DIP2C: variants seen among roughly 807,000 people sequenced by gnomAD.
DIP2C encodes the protein disco-interacting protein 2 homolog C.
DIP2C carries 33 observed loss-of-function variants against 192.4 expected under a neutral mutation model. The observed-to-expected ratio is 0.17, with a 90% CI of 0.13 to 0.23. The LOEUF (loss-of-function observed/expected upper bound fraction) is 0.23, where lower values mean the gene tolerates loss of function less well. Among genes scored for constraint, DIP2C ranks in the 10% least tolerant of loss-of-function variants. The pLI is 1.00. For synonymous variants in DIP2C, 979 were observed against 864.1 expected, an observed-to-expected ratio of 1.13 and a Z score of -2.33; for missense variants, 1,537 against 2,110.1, an observed-to-expected ratio of 0.73 and a Z score of 5.32.
intron 2 of DIP2C, among the ~76,000 whole-genome samples, chr10:485,630 G>T (rs555306890): frequency 6.6e-6 from 1 of 152,196 alleles, no homozygotes; most frequent in Non-Finnish European, 1.5e-5. Context: ...GACGGGCCTC[G>T]GGAAGAACAG....
At chr10:421,959 A>G (rs1454998834) in intron 5 of DIP2C, among the ~76,000 whole-genome samples, 1 of 152,196 alleles carries the variant, frequency 6.6e-6, no homozygotes, top group Non-Finnish European at 1.5e-5. Flanking sequence ...GGAGTCAGTG[A>G]TCTAGAAGTG....
intron 29 of DIP2C, among the ~76,000 whole-genome samples, chr10:338,356 C>G (rs1339435065): frequency 6.6e-6 from 1 of 152,074 alleles, no homozygotes; most frequent in East Asian, 1.9e-4. Flanking sequence ...CGCTTACTCA[C>G]CAACTCGCCA....
At chr10:443,276 T>C (rs1440385973) in intron 3 of DIP2C, among the ~76,000 whole-genome samples, 2 of 152,252 alleles carry the variant, frequency 1.3e-5, no homozygotes, top group Non-Finnish European at 2.9e-5. Context: ...TTAGATCTTC[T>C]ACATTCACTT....
intron 31 of DIP2C, among the ~76,000 whole-genome samples, chr10:310,697 G>A (rs1956531050): frequency 6.6e-6 from 1 of 152,128 alleles, no homozygotes. Context: ...CATTCCACTG[G>A]GCTGTTGATT....
intron 1 of DIP2C, among the ~76,000 whole-genome samples, chr10:573,602 G>T (rs995845913): frequency 6.6e-6 from 1 of 152,124 alleles, no homozygotes. Context: ...TAGAGATGGG[G>T]TTTCACCAGG....
intron 1 of DIP2C, among the ~76,000 whole-genome samples, chr10:570,344 C>A (rs1211334032): frequency 1.3e-5 from 2 of 152,200 alleles, no homozygotes; most frequent in Admixed American, 1.3e-4. Context: ...GCCCTGCTGA[C>A]ACAGGAGCAA....
intron 1 of DIP2C, among the ~76,000 whole-genome samples, chr10:535,510 T>C (rs1202055208): frequency 6.6e-6 from 1 of 152,100 alleles, no homozygotes; most frequent in African/African-American, 2.4e-5. Context: ...TTTGTACCCA[T>C]TCTGTAGTGT....
intron 1 of DIP2C, among the ~76,000 whole-genome samples, chr10:519,730 C>G (rs1846580118): frequency 6.6e-6 from 1 of 152,264 alleles, no homozygotes; most frequent in South Asian, 2.1e-4. Flanking sequence ...GGGACAGAAA[C>G]CGTCTCCTGC....
intron 1 of DIP2C, among the ~76,000 whole-genome samples, chr10:522,384 C>G (rs900855118): frequency 4.6e-5 from 7 of 152,280 alleles, no homozygotes; most frequent in African/African-American, 1.4e-4. Context: ...CTGTCAACAT[C>G]TGTGTGCAGA....
chr10:335,929 C>T (rs1245299332), intron 29 of DIP2C, among the ~76,000 whole-genome samples: 2 of 152,172 alleles, frequency 1.3e-5, no homozygotes, highest in Admixed American at 6.5e-5. Flanking sequence ...GACAGGGTCT[C>T]GCTCTGTCAC....
At chr10:561,545 C>G (rs1849217696) in intron 1 of DIP2C, among the ~76,000 whole-genome samples, 1 of 152,240 alleles carries the variant, frequency 6.6e-6, no homozygotes, top group Non-Finnish European at 1.5e-5. Context: ...GTTTACTCCT[C>G]TAAAACCACA....
At chr10:364,842 T>A in intron 19 of DIP2C, 1 of 638,128 alleles carries the variant, frequency 1.6e-6, no homozygotes, top group Non-Finnish European at 2.9e-6. Context: ...CTCTGAACCC[T>A]GAACAGATAA....
intron 1 of DIP2C, among the ~76,000 whole-genome samples, chr10:586,983 A>G (rs1054967681): frequency 9.2e-5 from 13 of 141,812 alleles, no homozygotes; most frequent in African/African-American, 2.1e-4. Flanking sequence ...CCGGGTCCCC[A>G]CTGACAGCAT....
At chr10:465,794 T>A (rs953149318) in intron 3 of DIP2C, among the ~76,000 whole-genome samples, 1 of 151,044 alleles carries the variant, frequency 6.6e-6, no homozygotes, top group Admixed American at 6.6e-5. Context: ...CACAATTGCT[T>A]CAAAGAGAAT....
chr10:413,418 G>GT (rs1478958020), intron 8 of DIP2C, among the ~76,000 whole-genome samples: 1 of 152,174 alleles, frequency 6.6e-6, no homozygotes, highest in African/African-American at 2.4e-5. Flanking sequence ...AATCTTTGCT[G>GT]AAAGCATGCA....
At chr10:319,428 T>C (rs12776618) in intron 31 of DIP2C, among the ~76,000 whole-genome samples, 20,917 of 152,042 alleles carry the variant, frequency 0.14, 1,524 homozygotes, top group East Asian at 0.21. Context: ...TCCTAATAAA[T>C]AAACAACCGC....
chr10:362,799 A>C, intron 21 of DIP2C, 108 bp from the exon 22 acceptor site: 1 of 1,224,054 alleles, frequency 8.2e-7, no homozygotes, highest in Non-Finnish European at 1.1e-6. Flanking sequence ...GTGCAGTATA[A>C]GCACTGTTCC....
chr10:479,327 GC>G (rs1311786113), intron 2 of DIP2C, among the ~76,000 whole-genome samples: 1 of 104,834 alleles, frequency 9.5e-6, no homozygotes, highest in Admixed American at 1.0e-4. Context: ...TTCTCACACT[GC>G]TTTTTTTTTT....
intron 1 of DIP2C, among the ~76,000 whole-genome samples, chr10:625,467 G>C (rs138697474): frequency 6.6e-6 from 1 of 152,170 alleles, no homozygotes; most frequent in Non-Finnish European, 1.5e-5. Flanking sequence ...GTGAAAGGCC[G>C]CGAAGAGGCC....
Sources: gnomAD v4.1 joint callset for allele counts (sites outside exome capture counted in the v4.1 genomes callset) on GRCh38, gnomAD v4.1.1 for gene constraint, MANE v1.5 for transcripts, NCBI Gene and HGNC (gene_info 2026-07-23, HGNC 2026-07-21) for gene names.